Variants in WNT9B observed in about 807,000 individuals in gnomAD.
WNT9B encodes Wnt family member 9B.
A neutral mutation model predicts 30.2 loss-of-function variants in WNT9B; 12 were observed. That is an observed-to-expected ratio of 0.40 (90% CI 0.26 to 0.64). The LOEUF (loss-of-function observed/expected upper bound fraction) is 0.64, where lower values mean the gene tolerates loss of function less well. Among genes scored for constraint, WNT9B ranks in the 30% least tolerant of loss-of-function variants. The pLI is 0.42. For missense variants in WNT9B, 442 were observed against 485.2 expected, an observed-to-expected ratio of 0.91 and a Z score of 0.84; for synonymous variants, 218 against 216.9, an observed-to-expected ratio of 1.01 and a Z score of -0.05.
rs190036366 is a variant in WNT9B at position 46,837,192 on chromosome 17, C to T, written c.95+3752C>T. 8.1e-3 allele frequency among the ~76,000 whole-genome samples: 1,235 copies of T among 152,252 alleles called. 9 individuals are homozygous for T. The highest frequency in any genetic ancestry group is 0.027 in the Middle Eastern group (8 of 294). Reference sequence around the variant, plus strand: ...TCTTGACCTCGTGATCTGCCCGCCGCGGCCCCCCAAAGTGCTGGGATTACA... The same window carrying T: ...TCTTGACCTCGTGATCTGCCCGCCGTGGCCCCCCAAAGTGCTGGGATTACA... On this transcript the variant is annotated intron_variant, in intron 1 of 2. Transcript: ENST00000575372.
At chr17:46,864,794 C>T (rs936767860) in intron 1 of WNT9B, among the ~76,000 whole-genome samples, 1 of 152,120 alleles carries the variant, frequency 6.6e-6, no homozygotes, top group African/African-American at 2.4e-5. Flanking sequence ...TCGCCTTGGA[C>T]GACCAATCTT....
intron 2 of WNT9B, among the ~76,000 whole-genome samples, chr17:46,873,988 CA>C (rs397857419): frequency 0.044 from 3,060 of 69,708 alleles, 76 homozygotes; most frequent in African/African-American, 0.11. Flanking sequence ...GACTCTGTCT[CA>C]AAAAAAAAAA....
chr17:46,843,307 G>T (rs1287996506), intron 1 of WNT9B, among the ~76,000 whole-genome samples: 2 of 152,188 alleles, frequency 1.3e-5, no homozygotes, highest in Non-Finnish European at 2.9e-5. Flanking sequence ...ATGTAGCAAA[G>T]GTATGCTTTG....
chr17:46,853,137 G>A (rs947342379), intron 1 of WNT9B, among the ~76,000 whole-genome samples: 17 of 152,034 alleles, frequency 1.1e-4, no homozygotes, highest in Admixed American at 3.3e-4. Context: ...TTGTTCCCTC[G>A]GCAGGCAGGA....
rs1185280436 is a variant in WNT9B, at chr17:46,877,659, G to C, written c.*941G>C. Reference sequence around the variant, plus strand: ...CGTGGCGAGCTCAGTTTCTCAGCTGGCTCTTGAGTGAGCTTTGGTGACTTC... The same window carrying C: ...CGTGGCGAGCTCAGTTTCTCAGCTGCCTCTTGAGTGAGCTTTGGTGACTTC... On this transcript the variant is annotated 3_prime_UTR_variant, in exon 4 of 4. Transcript: ENST00000290015. Among the ~76,000 whole-genome samples the C allele has an allele frequency of 6.6e-6, 1 of 152,188 alleles. No individual in the cohort carries two copies. Among genetic ancestry groups the C allele is most frequent in the East Asian group, 1.9e-4 (1 of 5,194 alleles).
In WNT9B at chr17:46,876,500, G is replaced by A; in HGVS notation, c.856G>A (p.Asp286Asn). Residue 286 changes from aspartate (D) to asparagine (N), a missense_variant, in exon 4 of 4, where the codon GAC (aspartate) becomes AAC (asparagine). Asp to Asn is a conservative substitution (Grantham distance 23). Transcript: ENST00000290015. Reference protein sequence around the residue: ...PRSGDLVYMEDSPSFCRPSKY... With the variant: ...PRSGDLVYMENSPSFCRPSKY... The stretch of plus-strand genomic sequence containing the variant: ...GTCTGGGGACCTGGTGTACATGGAG[G>A]ACTCACCCAGCTTCTGCCGGCCCAG... 1 of 1,613,616 alleles carries A rather than the reference G, an allele frequency of 6.2e-7. No homozygotes were observed. Among genetic ancestry groups the A allele is most frequent in the African/African-American group, 1.3e-5 (1 of 75,062 alleles).
At chr17:46,836,095 C>CT (rs771533837) in intron 1 of WNT9B, among the ~76,000 whole-genome samples, 2 of 126,434 alleles carry the variant, frequency 1.6e-5, no homozygotes, top group African/African-American at 3.2e-5. Flanking sequence ...GAGACGCTGA[C>CT]GTGTGTGTGT....
At chr17:46,860,022 G>A (rs2085008785) in intron 1 of WNT9B, among the ~76,000 whole-genome samples, 2 of 152,174 alleles carry the variant, frequency 1.3e-5, no homozygotes, top group Admixed American at 1.3e-4. Context: ...TAGTTGGAGG[G>A]AAGGAAAGGT....
At chr17:46,835,432 C>T (rs763684786) in intron 1 of WNT9B, among the ~76,000 whole-genome samples, 5 of 152,036 alleles carry the variant, frequency 3.3e-5, no homozygotes, top group East Asian at 1.9e-4. Flanking sequence ...AGGATGGTAT[C>T]GATCTCCTGA....
chr17:46,847,795 G>A (rs1472625736), upstream of WNT9B, among the ~76,000 whole-genome samples: 1 of 152,220 alleles, frequency 6.6e-6, no homozygotes, highest in African/African-American at 2.4e-5. Context: ...GGAGGCACAG[G>A]AGATATGGAG....
chr17:46,844,854 T>C (rs561882080), intron 1 of WNT9B, among the ~76,000 whole-genome samples: 1 of 152,284 alleles, frequency 6.6e-6, no homozygotes, highest in Non-Finnish European at 1.5e-5. Flanking sequence ...CTTTCTTTTT[T>C]ATTTTTTGGA....
At chr17:46,880,600 G>A (rs2085410180), downstream of WNT9B, among the ~76,000 whole-genome samples, 1 of 152,156 alleles carries the variant, frequency 6.6e-6, no homozygotes, top group Admixed American at 6.5e-5. Flanking sequence ...TTTGCACATT[G>A]GACATGGTCC....
Position 46,853,659 on chromosome 17 carries a change from G to T in WNT9B, c.77+1944G>T, listed in dbSNP as rs189503246. 6.2e-4 allele frequency among the ~76,000 whole-genome samples: 94 copies of T among 152,136 alleles called. 1 individual carries two copies. The highest frequency in any genetic ancestry group is 2.2e-3 in the African/African-American group (92 of 41,508). ...CTGGGATTACAGGCATGAGCCACCA[G>T]GCCTGGCTAGTTTTTTTCATTAAGG... On this transcript the variant is annotated intron_variant, in intron 1 of 3. Transcript: ENST00000290015.
Position 46,879,353 on chromosome 17 carries a change from G to A in WNT9B, c.*2635G>A, listed in dbSNP as rs2085393146. On this transcript the variant is annotated 3_prime_UTR_variant, in exon 4 of 4. Coordinates refer to ENST00000290015, the MANE Select transcript of WNT9B (RefSeq NM_003396.3). Reference sequence around the variant, plus strand: ...GCTGGTAAGCACATGTCCGCTCTGTGATGAGCCCTGGTGGGCTCCATCCAG... The same window carrying A: ...GCTGGTAAGCACATGTCCGCTCTGTAATGAGCCCTGGTGGGCTCCATCCAG... 1.3e-5 allele frequency among the ~76,000 whole-genome samples: 2 copies of A among 152,164 alleles called. No individual in the cohort carries two copies. The highest frequency in any genetic ancestry group is 2.4e-5 in the African/African-American group (1 of 41,432).
At chr17:46,864,042 C>G (rs962527573) in intron 1 of WNT9B, among the ~76,000 whole-genome samples, 4 of 152,220 alleles carry the variant, frequency 2.6e-5, no homozygotes, top group Admixed American at 1.3e-4. Flanking sequence ...CTGTCCTCAT[C>G]ATTGAGGGGG....
At chr17:46,849,899 G>A (rs1277977689), upstream of WNT9B, among the ~76,000 whole-genome samples, 2 of 149,498 alleles carry the variant, frequency 1.3e-5, no homozygotes, top group East Asian at 4.0e-4. Context: ...CCAGGCCAGA[G>A]TGCAATGGCG....
At chr17:46,833,446 T>A in intron 1 of WNT9B, 1 of 512,104 alleles carries the variant, frequency 2.0e-6, no homozygotes, top group Non-Finnish European at 3.9e-6. Context: ...AGAAGGTGAG[T>A]GTTAGGGAGG....
intron 1 of WNT9B, among the ~76,000 whole-genome samples, chr17:46,866,597 G>T (rs1235740740): frequency 2.6e-5 from 4 of 152,094 alleles, no homozygotes; most frequent in Non-Finnish European, 4.4e-5. Context: ...CCTGTTATCA[G>T]GAGCATCTGA....
rs1380198616 is a variant in WNT9B, at chr17:46,879,434, C to T, written c.*2716C>T. On this transcript the variant is annotated 3_prime_UTR_variant, in exon 4 of 4. Transcript: ENST00000290015. ...TGCCCTTCTGGGTCCAGGCCCCCTT[C>T]TTCTGCTCTGGCAAAAGTGTCTTAC... Among the ~76,000 whole-genome samples, 1 of 152,220 alleles carries T rather than the reference C, an allele frequency of 6.6e-6. No homozygotes were observed. The highest frequency in any genetic ancestry group is 1.5e-5 in the Non-Finnish European group (1 of 68,044).
Sources: gnomAD v4.1 joint callset for allele counts (sites outside exome capture counted in the v4.1 genomes callset) on GRCh38, gnomAD v4.1.1 for gene constraint, MANE v1.5 for transcripts, NCBI Gene and HGNC (gene_info 2026-07-23, HGNC 2026-07-21) for gene names.